Variants in JMJD1C observed in about 807,000 individuals in gnomAD.
JMJD1C encodes jumonji domain containing 1C.
Under a neutral mutation model 245.3 loss-of-function variants are expected in JMJD1C, and 31 were observed. The observed-to-expected ratio is 0.13, with a 90% CI of 0.09 to 0.17. The LOEUF (loss-of-function observed/expected upper bound fraction) is 0.17. JMJD1C is among the 10% of genes least tolerant of loss of function. JMJD1C has a pLI of 1.00. For missense variants in JMJD1C, 2,691 were observed against 3,000.2 expected (o/e 0.90, Z 2.41); for synonymous variants, 1,057 against 1,017.4 (o/e 1.04, Z -0.74).
intron 3 of JMJD1C, among the ~76,000 whole-genome samples, chr10:63,256,949 G>C (rs1211113767): frequency 6.6e-6 from 1 of 152,136 alleles, no homozygotes; most frequent in Non-Finnish European, 1.5e-5. Context: ...TAGAAAAAGA[G>C]AGTAGCCAGG....
At chr10:63,201,210 A>G (rs540435584) in intron 10 of JMJD1C, among the ~76,000 whole-genome samples, 81 of 152,318 alleles carry the variant, frequency 5.3e-4, no homozygotes, top group African/African-American at 1.9e-3. Context: ...GTAATTTTAT[A>G]AAACCTGTAT....
At chr10:63,191,963 AAC>A (rs2132989401) in intron 16 of JMJD1C, among the ~76,000 whole-genome samples, 1 of 136,674 alleles carries the variant, frequency 7.3e-6, no homozygotes, top group South Asian at 2.5e-4. Context: ...CAGCCTGGAC[AAC>A]AGAGTGAGAC....
chr10:63,297,208 G>A (rs1025650569), intron 2 of JMJD1C, among the ~76,000 whole-genome samples: 4 of 152,156 alleles, frequency 2.6e-5, no homozygotes, highest in African/African-American at 7.2e-5. Flanking sequence ...CCTGGAGGCC[G>A]GGCTGCCAGT....
intron 1 of JMJD1C, among the ~76,000 whole-genome samples, chr10:63,391,818 A>G (rs948072210): frequency 1.3e-5 from 2 of 152,198 alleles, no homozygotes; most frequent in African/African-American, 4.8e-5. Flanking sequence ...TGGAAGTAAA[A>G]AAGAGCCTAA....
At chr10:63,308,303 C>A (rs979991148) in intron 2 of JMJD1C, among the ~76,000 whole-genome samples, 1 of 152,124 alleles carries the variant, frequency 6.6e-6, no homozygotes, top group Non-Finnish European at 1.5e-5. Flanking sequence ...AGGAAAGTAA[C>A]CAGTCTAGGA....
chr10:63,403,250 A>C (rs1948970830), intron 1 of JMJD1C, among the ~76,000 whole-genome samples: 1 of 152,184 alleles, frequency 6.6e-6, no homozygotes, highest in Admixed American at 6.5e-5. Flanking sequence ...TAACTTTTTA[A>C]AACTTCAGAA....
chr10:63,491,118 A>C (rs1409275365), intron 1 of JMJD1C, among the ~76,000 whole-genome samples: 1 of 152,236 alleles, frequency 6.6e-6, no homozygotes, highest in Non-Finnish European at 1.5e-5. Flanking sequence ...AATCTCTTCA[A>C]GGTGGCCTAA....
intron 2 of JMJD1C, among the ~76,000 whole-genome samples, chr10:63,365,248 T>A (rs1945736481): frequency 6.6e-6 from 1 of 152,222 alleles, no homozygotes; most frequent in African/African-American, 2.4e-5. Flanking sequence ...TTATAAACTT[T>A]TATTCTATAA....
chr10:63,184,954 G>C (rs1843947971), intron 20 of JMJD1C, among the ~76,000 whole-genome samples: 1 of 152,078 alleles, frequency 6.6e-6, no homozygotes, highest in Non-Finnish European at 1.5e-5. Context: ...GTCCTAAACA[G>C]GGTCCTGTGT....
intron 1 of JMJD1C, among the ~76,000 whole-genome samples, chr10:63,427,073 C>T (rs1436327549): frequency 3.9e-5 from 6 of 152,260 alleles, no homozygotes; most frequent in South Asian, 2.1e-4. Context: ...TAAGTAATGC[C>T]GTCCACACTT....
At chr10:63,453,544 G>C (rs1952204758) in intron 1 of JMJD1C, among the ~76,000 whole-genome samples, 1 of 152,100 alleles carries the variant, frequency 6.6e-6, no homozygotes, top group Non-Finnish European at 1.5e-5. Context: ...TGGAGAAAAA[G>C]TGAATGTTTT....
rs374931985 is a variant in JMJD1C at position 63,465,503 on chromosome 10, C to T, written c.160G>A (p.Asp54Asn). ...AVSHRDSRNPDLAVYVEFDDL... is the reference protein window; with the variant it reads ...AVSHRDSRNPNLAVYVEFDDL... The stretch of plus-strand genomic sequence containing the variant: ...GGCGCTGACTCTCTTACCGCCAGGT[C>T]CGGATTGCGGCTGTCCCTGTGTGAC... Residue 54 changes from aspartate to asparagine, a missense_variant, in exon 1 of 26, where the codon GAC becomes AAC. Physicochemically the swap from Asp to Asn is conservative, Grantham distance 23. Around this residue, in one of 9 missense-constraint regions of JMJD1C, gnomAD observed 135 missense variants for 115.5 expected, o/e 1.17. Transcript: ENST00000399262. 4 of 1,603,268 alleles carry T rather than the reference C, an allele frequency of 2.5e-6. No homozygotes were observed. Among genetic ancestry groups the T allele is most frequent in the Admixed American group, 1.7e-5 (1 of 59,482 alleles).
At chr10:63,411,625 CGGAGTGTTACTCTGTTGTCCAGGCTGGAG>C in intron 1 of JMJD1C, among the ~76,000 whole-genome samples, 1 of 107,224 alleles carries the variant, frequency 9.3e-6, no homozygotes, top group South Asian at 2.9e-4. Flanking sequence ...TTTTTTGAGG[CGGAGTGTTACTCTGTTGTCCAGGCTGGAG>C]TGCAGTGGCA....
intron 1 of JMJD1C, among the ~76,000 whole-genome samples, chr10:63,399,315 G>A (rs1948707748): frequency 6.6e-6 from 1 of 151,948 alleles, no homozygotes; most frequent in Admixed American, 6.6e-5. Context: ...TCCATTTCCT[G>A]CCCCAGACCT....
Position 63,200,641 on chromosome 10 carries a change from T to C in JMJD1C, c.5111A>G (p.Lys1704Arg), listed in dbSNP as rs1458313657. The C allele has an allele frequency of 1.2e-6, 2 of 1,613,944 alleles. No individual in the cohort carries two copies. The highest frequency in any genetic ancestry group is 2.7e-5 in the African/African-American group (2 of 74,922). Residue 1704 changes from lysine to arginine, a missense_variant, in exon 11 of 26, where the codon AAA becomes AGA. Lys to Arg is a conservative substitution (Grantham distance 26, BLOSUM62 2). Transcript: ENST00000399262. ...CCCAGTTTGCTTCAGCTTCTTGACT[T>C]TACGCCAATCTTTCAATACTGAACG... ...IPRSVLKDWR[K>R]VKKLKQTGES...
rs952045291 is a variant in JMJD1C at position 63,219,948 on chromosome 10, G to C, written c.483C>G (p.Asp161Glu). 2 of 1,613,658 alleles carry C rather than the reference G, an allele frequency of 1.2e-6. No homozygotes were observed. The highest frequency in any genetic ancestry group is 1.7e-6 in the Non-Finnish European group (2 of 1,179,680). ...DIDSLNPVLRDNPQLHEEVKV... is the reference protein window; with the variant it reads ...DIDSLNPVLRENPQLHEEVKV... Reference sequence around the variant, plus strand: ...TCACTTCCTCATGAAGCTGCGGGTTGTCCCTGAGAACTGGGTTTAGGCTGT... The same window carrying C: ...TCACTTCCTCATGAAGCTGCGGGTTCTCCCTGAGAACTGGGTTTAGGCTGT... Residue 161 changes from aspartate (D) to glutamate (E), a missense_variant, in exon 4 of 26, where the codon GAC (aspartate) becomes GAG (glutamate). Coordinates refer to ENST00000399262, the MANE Select transcript of JMJD1C (RefSeq NM_032776.3).
intron 2 of JMJD1C, among the ~76,000 whole-genome samples, chr10:63,282,002 T>C (rs1017457726): frequency 2.0e-5 from 3 of 152,216 alleles, no homozygotes; most frequent in Non-Finnish European, 4.4e-5. Flanking sequence ...ACTGATTTCC[T>C]GACCTTTTTT....
intron 3 of JMJD1C, among the ~76,000 whole-genome samples, chr10:63,255,673 T>G (rs971172311): frequency 6.6e-6 from 1 of 151,918 alleles, no homozygotes; most frequent in Non-Finnish European, 1.5e-5. Context: ...ATCTGTAAGT[T>G]AGACTTCTCA....
chr10:63,301,618 A>G (rs898391288), intron 2 of JMJD1C: 19 of 308,834 alleles, frequency 6.2e-5, no homozygotes, highest in African/African-American at 4.1e-4. Context: ...ATGAGAACAC[A>G]AGGACACAGG....
Sources: allele counts gnomAD v4.1 joint callset (sites outside exome capture counted in the v4.1 genomes callset), GRCh38; gene constraint gnomAD v4.1.1; regional missense constraint gnomAD v4.1.1; transcripts MANE v1.5; gene names NCBI Gene and HGNC (gene_info 2026-07-23, HGNC 2026-07-21).